The following METTL3 variants were observed in gnomAD, a reference collection of about 807,000 sequenced individuals.
METTL3 encodes the protein N(6)-adenosine-methyltransferase catalytic subunit METTL3.
METTL3 carries 42 observed loss-of-function variants against 64.3 expected under a neutral mutation model. That is an observed-to-expected ratio of 0.65 (90% CI 0.51 to 0.84). METTL3 has a LOEUF of 0.84. Ranked by LOEUF, METTL3 falls within the 40% of genes least tolerant of loss-of-function variation. The probability of loss-of-function intolerance (pLI) is 0.00; values close to 1 mark genes in which losing one functional copy is unlikely to be tolerated. For synonymous variants in METTL3, 256 were observed against 263.6 expected, an observed-to-expected ratio of 0.97 and a Z score of 0.28; for missense variants, 435 against 722.3, an observed-to-expected ratio of 0.60 and a Z score of 4.56.
chr14:21,511,277 C>G lies in METTL3; in HGVS notation c.-54G>C. On this transcript the variant is annotated 5_prime_UTR_variant, in exon 1 of 11. Coordinates refer to ENST00000298717, the MANE Select transcript of METTL3 (RefSeq NM_019852.5). ...AATAAGGCGCGGCGGACTAGCACCT[C>G]CCAGCACTCGCTCCAGGATATAGCC... is the stretch of plus-strand genomic sequence containing the variant. The G allele has an allele frequency of 6.3e-7, 1 of 1,578,160 alleles. No homozygotes were observed. The highest frequency in any genetic ancestry group is 2.4e-5 in the East Asian group (1 of 42,414).
chr14:21,503,016 T>G (rs1042553965), intron 3 of METTL3, 157 bp downstream of exon 3: 1 of 822,946 alleles, frequency 1.2e-6, no homozygotes, highest in Non-Finnish European at 1.9e-6. Flanking sequence ...TAAAAATGTC[T>G]CCGGACATTA....
intron 4 of METTL3, 131 bp downstream of exon 4, chr14:21,501,597 G>T: frequency 9.2e-7 from 1 of 1,091,538 alleles, no homozygotes; most frequent in Non-Finnish European, 1.3e-6. Context: ...ACACCTTCAG[G>T]GTCTGGAGGA....
chr14:21,502,215 A>G (rs1321136977), intron 3 of METTL3, among the ~76,000 whole-genome samples: 2 of 151,956 alleles, frequency 1.3e-5, no homozygotes, highest in Admixed American at 6.6e-5. Context: ...TTCTATAGGG[A>G]TAGGGTCTAT....
chr14:21,501,514 G>C, intron 4 of METTL3: 1 of 623,360 alleles, frequency 1.6e-6, no homozygotes, highest in East Asian at 2.8e-5. Flanking sequence ...GAGGGAGGGA[G>C]CTTTTAAAAA....
In METTL3 at chr14:21,501,090, G is replaced by A; in HGVS notation, c.939C>T (p.Asp313=). 1 of 1,614,020 alleles carries A rather than the reference G, an allele frequency of 6.2e-7. No homozygotes were observed. The highest frequency in any genetic ancestry group is 8.5e-7 in the Non-Finnish European group (1 of 1,179,996). The change falls in exon 5 of 11, where the codon GAC becomes GAT. Residue 313 remains aspartate (D), a synonymous_variant. Coordinates refer to ENST00000298717, the MANE Select transcript of METTL3 (RefSeq NM_019852.5). ...INKHTDESLG[D]CSFLNTCFHM... is the part of the protein sequence containing the mutation. ...GGAAACATGTATTAAGGAAAGAGCA[G>A]TCACCTAAAGACTCATCAGTGTGTT...
In METTL3 at chr14:21,503,860, G is replaced by A; in HGVS notation, c.122C>T (p.Ala41Val). The change falls in exon 2 of 11, where the codon GCA (alanine) becomes GTA (valine). Residue 41 changes from alanine (A) to valine (V), a missense_variant. By Grantham distance (64) the Ala-to-Val change is moderately conservative. Transcript: ENST00000298717. Reference protein sequence around the residue: ...GHLDLRNPEAALSPTFRSDSP... With the variant: ...GHLDLRNPEAVLSPTFRSDSP... The stretch of plus-strand genomic sequence containing the variant: ...GTCACTACGGAAGGTTGGAGACAAT[G>A]CTGCCTCTGGATTCCGTAGATCTAA... 9 of 1,614,176 alleles carry A rather than the reference G, an allele frequency of 5.6e-6. No homozygotes were observed. Among genetic ancestry groups the A allele is most frequent in the Non-Finnish European group, 7.6e-6 (9 of 1,180,022 alleles).
At chr14:21,501,330 A>G (rs1454220927) in intron 4 of METTL3, 1 of 587,086 alleles carries the variant, frequency 1.7e-6, no homozygotes, top group Non-Finnish European at 3.0e-6. Context: ...CTCTCTGAGT[A>G]AAGACTTGGT....
In METTL3 at chr14:21,499,478, C is replaced by G; in HGVS notation, c.1452+14G>C. The G allele has an allele frequency of 6.2e-7, 1 of 1,609,416 alleles. No individual in the cohort carries two copies. Among genetic ancestry groups the G allele is most frequent in the Non-Finnish European group, 8.5e-7 (1 of 1,175,714 alleles). On this transcript the variant is annotated intron_variant, in intron 8 of 10. Transcript: ENST00000298717. ...TGTGCTCCACCTATTGAATTGGGCC[C>G]CACTGCTGCTCACCAAGCAGTGTTC...
In METTL3 at chr14:21,511,286, C is replaced by T. The variant is rs1055961516; in HGVS notation, c.-63G>A. The T allele has an allele frequency of 1.3e-6, 2 of 1,566,634 alleles. No individual in the cohort carries two copies. The highest frequency in any genetic ancestry group is 1.9e-5 in the Admixed American group (1 of 52,498). On this transcript the variant is annotated 5_prime_UTR_variant, in exon 1 of 11. Transcript: ENST00000298717. ...CGGCGGACTAGCACCTCCCAGCACTCGCTCCAGGATATAGCCAATTCTCAC... is the reference window on the plus strand; with the variant it reads ...CGGCGGACTAGCACCTCCCAGCACTTGCTCCAGGATATAGCCAATTCTCAC...
At chr14:21,503,979 T>A (rs1033026800) in intron 1 of METTL3, 98 bp from the exon 2 acceptor site, 8 of 1,134,288 alleles carry the variant, frequency 7.1e-6, no homozygotes, top group Non-Finnish European at 1.0e-5. Flanking sequence ...ACACAGATCT[T>A]TCATTTTGTG....
chr14:21,501,081 G>A lies in METTL3; in HGVS notation c.948C>T (p.Phe316=). 6.2e-7 allele frequency: 1 copy of A among 1,614,068 alleles called. No individual in the cohort carries two copies. The highest frequency in any genetic ancestry group is 2.2e-5 in the East Asian group (1 of 44,890). Residue 316 remains phenylalanine, a synonymous_variant, in exon 5 of 11, where the codon TTC becomes TTT. Coordinates refer to ENST00000298717, the MANE Select transcript of METTL3 (RefSeq NM_019852.5). ...HTDESLGDCS[F]LNTCFHMDTC... ...TATCCATGTGGAAACATGTATTAAG[G>A]AAAGAGCAGTCACCTAAAGACTCAT...
intron 1 of METTL3, chr14:21,509,403 G>A (rs1261040046): frequency 6.6e-6 from 1 of 152,070 alleles, no homozygotes; most frequent in Non-Finnish European, 1.5e-5. Context: ...CTGATCCTCA[G>A]GTCCCCTTTT....
Position 21,502,913 on chromosome 14 carries a change from G to A in METTL3, c.723+260C>T, listed in dbSNP as rs1891604631. Reference sequence around the variant, plus strand: ...TTGGGACAGACAACTGTTTGTTGTGGGGGTTTGTCCCACTATGCACTGTAG... The same window carrying A: ...TTGGGACAGACAACTGTTTGTTGTGAGGGTTTGTCCCACTATGCACTGTAG... On this transcript the variant is annotated intron_variant, in intron 3 of 10. Coordinates refer to ENST00000298717, the MANE Select transcript of METTL3 (RefSeq NM_019852.5). 9 of 381,352 alleles carry A rather than the reference G, an allele frequency of 2.4e-5. No individual in the cohort carries two copies. The South Asian group carries it at 7.5e-4, about 32-fold the overall frequency. The allele number at this position is 381,352 out of a possible 1,614,324, so 23.6% of individuals were successfully genotyped here.
chr14:21,501,768 C>T lies in METTL3; in HGVS notation c.859G>A (p.Ala287Thr), dbSNP rs1267640916. The T allele has an allele frequency of 6.2e-7, 1 of 1,614,182 alleles. No individual in the cohort carries two copies. The highest frequency in any genetic ancestry group is 1.7e-5 in the Admixed American group (1 of 60,018). Residue 287 changes from alanine to threonine, a missense_variant, in exon 4 of 11, where the codon GCC becomes ACC. This residue lies in a region of METTL3 where 40 missense variants were observed against 89.6 expected (regional missense o/e 0.45). Transcript: ENST00000298717. ...DYGTKEECMK[A>T]SDADRPCRKL... Reference sequence around the variant, plus strand: ...CGACAGGGTCGATCAGCATCACTGGCTTTCATGCACTCCTCCTTGGTTCCA... The same window carrying T: ...CGACAGGGTCGATCAGCATCACTGGTTTTCATGCACTCCTCCTTGGTTCCA...
At chr14:21,504,673 G>A (rs925097287) in intron 1 of METTL3, 2 of 152,156 alleles carry the variant, frequency 1.3e-5, no homozygotes, top group East Asian at 1.9e-4. Flanking sequence ...GCTCACGCCT[G>A]TAATCCCAGC....
intron 10 of METTL3, chr14:21,498,653 C>T: frequency 2.0e-6 from 1 of 499,824 alleles, no homozygotes; most frequent in Non-Finnish European, 3.6e-6. Flanking sequence ...TTTGGATAAG[C>T]AAAATGCTAG....
At chr14:21,507,402 G>A (rs1891724231) in intron 1 of METTL3, among the ~76,000 whole-genome samples, 1 of 152,146 alleles carries the variant, frequency 6.6e-6, no homozygotes, top group Admixed American at 6.5e-5. Context: ...GCTCACACCT[G>A]TAATCCCAGC....
At chr14:21,500,442 G>C (rs1396375212) in intron 6 of METTL3, 53 bp downstream of exon 6, 1 of 1,553,716 alleles carries the variant, frequency 6.4e-7, no homozygotes, top group Non-Finnish European at 8.9e-7. Flanking sequence ...CTCCCATTCA[G>C]TATTCACTCT....
chr14:21,500,796 C>T (rs111668815), intron 5 of METTL3, 114 bp from the exon 6 acceptor site: 10 of 1,413,994 alleles, frequency 7.1e-6, no homozygotes, highest in African/African-American at 2.9e-5. Flanking sequence ...CTATCCCCCT[C>T]CATTCCCAAT....
Sources: gnomAD v4.1 joint callset for allele counts (sites outside exome capture counted in the v4.1 genomes callset) on GRCh38, gnomAD v4.1.1 for gene constraint, gnomAD v4.1.1 regional missense constraint, MANE v1.5 for transcripts, NCBI Gene and HGNC (gene_info 2026-07-23, HGNC 2026-07-21) for gene names.